The following CFAP299 variants were observed in gnomAD, a reference collection of about 807,000 sequenced individuals.
The protein encoded by CFAP299 is cilia- and flagella-associated protein 299.
In CFAP299, 21 loss-of-function variants were observed where a neutral mutation model predicts 27.0. The ratio of observed to expected loss-of-function variants is 0.78; its 90% CI spans 0.55 to 1.12. The LOEUF (loss-of-function observed/expected upper bound fraction) is 1.12. Ranked by LOEUF, CFAP299 falls within the 50% of genes most tolerant of loss-of-function variation. The pLI, the probability that CFAP299 is intolerant of heterozygous loss-of-function variation, is 0.00. For missense variants in CFAP299, 310 were observed against 276.6 expected (o/e 1.12, Z -0.86); for synonymous variants, 104 against 98.1 (o/e 1.06, Z -0.36).
intron 2 of CFAP299, among the ~76,000 whole-genome samples, chr4:80,374,341 T>C (rs1210054453): frequency 6.6e-6 from 1 of 152,148 alleles, no homozygotes; most frequent in Admixed American, 6.5e-5. Flanking sequence ...TCCCTATCTG[T>C]GACTTGACCA....
At position 80,870,125 on chromosome 4, in the gene CFAP299, A is replaced by G. The variant is rs536266784; in HGVS notation, c.466A>G (p.Thr156Ala). Reference protein sequence around the residue: ...TGKKRLLPRPTDISFYNWDAD... With the variant: ...TGKKRLLPRPADISFYNWDAD... Reference sequence around the variant, plus strand: ...AAAAAAAAGACTTCTTCCAAGGCCTACAGATATAAGGTAAATTACATACAA... The same window carrying G: ...AAAAAAAAGACTTCTTCCAAGGCCTGCAGATATAAGGTAAATTACATACAA... The change falls in exon 4 of 6, where the codon ACA becomes GCA. Residue 156 changes from threonine (T) to alanine (A), a missense_variant. Transcript: ENST00000358105. The G allele has an allele frequency of 1.2e-6, 2 of 1,608,518 alleles. No homozygotes were observed. The highest frequency in any genetic ancestry group is 2.7e-5 in the African/African-American group (2 of 74,556).
chr4:80,550,256 C>T (rs911918851), intron 2 of CFAP299, among the ~76,000 whole-genome samples: 1 of 151,888 alleles, frequency 6.6e-6, no homozygotes, highest in Non-Finnish European at 1.5e-5. Flanking sequence ...CATATAAAAT[C>T]GTGAATAAGA....
At chr4:80,458,300 C>G (rs1421615016) in intron 2 of CFAP299, among the ~76,000 whole-genome samples, 1 of 152,194 alleles carries the variant, frequency 6.6e-6, no homozygotes, top group African/African-American at 2.4e-5. Flanking sequence ...CTTGAAGAAT[C>G]TAGTTCCGTG....
At chr4:80,656,104 C>A (rs976412006) in intron 3 of CFAP299, among the ~76,000 whole-genome samples, 16 of 151,948 alleles carry the variant, frequency 1.1e-4, no homozygotes, top group Non-Finnish European at 1.2e-4. Flanking sequence ...ATATTCTTGG[C>A]TATTCCGGTG....
At chr4:80,729,542 G>A (rs539955823) in intron 3 of CFAP299, among the ~76,000 whole-genome samples, 25 of 151,040 alleles carry the variant, frequency 1.7e-4, no homozygotes, top group East Asian at 2.0e-4. Flanking sequence ...TATAAGCAGC[G>A]TTTGGAACAG....
chr4:80,677,755 T>G (rs922634792), intron 3 of CFAP299, among the ~76,000 whole-genome samples: 2 of 152,106 alleles, frequency 1.3e-5, no homozygotes, highest in African/African-American at 4.8e-5. Flanking sequence ...TCTCACAATG[T>G]AATGCCTTGC....
At chr4:80,658,520 G>A (rs758823579) in intron 3 of CFAP299, among the ~76,000 whole-genome samples, 2 of 151,988 alleles carry the variant, frequency 1.3e-5, no homozygotes, top group African/African-American at 4.8e-5. Context: ...TTTTGTTTAT[G>A]TTATGGATTA....
chr4:80,408,522 T>C (rs940609821), intron 2 of CFAP299, among the ~76,000 whole-genome samples: 1 of 152,212 alleles, frequency 6.6e-6, no homozygotes, highest in Admixed American at 6.5e-5. Flanking sequence ...ATTTTATTTA[T>C]ACTTTTTGTT....
intron 3 of CFAP299, among the ~76,000 whole-genome samples, chr4:80,687,777 C>T (rs916285938): frequency 3.9e-5 from 6 of 152,126 alleles, no homozygotes; most frequent in East Asian, 3.9e-4. Context: ...TCTGAGGTAC[C>T]GGGTTCATCT....
chr4:80,832,727 G>GA (rs1184063286), intron 3 of CFAP299, among the ~76,000 whole-genome samples: 2 of 152,056 alleles, frequency 1.3e-5, no homozygotes, highest in Non-Finnish European at 2.9e-5. Context: ...TCTCACTTAG[G>GA]AAATGGGTTT....
chr4:80,343,008 A>C (rs1194624362), intron 1 of CFAP299, among the ~76,000 whole-genome samples: 11 of 152,360 alleles, frequency 7.2e-5, no homozygotes, highest in African/African-American at 2.4e-4. Context: ...AAAACAGAAA[A>C]AAGCAGGGGT....
intron 3 of CFAP299, among the ~76,000 whole-genome samples, chr4:80,742,553 T>C (rs1043582091): frequency 2.0e-5 from 3 of 152,146 alleles, no homozygotes; most frequent in African/African-American, 4.8e-5. Context: ...AGATTGATTA[T>C]AGCAAGATAG....
chr4:80,879,066 G>A (rs931555874), intron 4 of CFAP299, among the ~76,000 whole-genome samples: 2 of 151,976 alleles, frequency 1.3e-5, no homozygotes, highest in African/African-American at 4.8e-5. Flanking sequence ...AAGAAATAAG[G>A]ATGCACCATG....
At chr4:80,593,384 A>C (rs755753000) in intron 3 of CFAP299, among the ~76,000 whole-genome samples, 1 of 152,040 alleles carries the variant, frequency 6.6e-6, no homozygotes, top group South Asian at 2.1e-4. Context: ...AGGGATTGCT[A>C]CTCCTCTTCA....
At chr4:80,570,617 A>G (rs914674036) in intron 2 of CFAP299, among the ~76,000 whole-genome samples, 3 of 152,148 alleles carry the variant, frequency 2.0e-5, no homozygotes, top group Non-Finnish European at 1.5e-5. Flanking sequence ...AATGGTGTGA[A>G]GCAAAATGAA....
chr4:80,335,629 G>GCAA (rs1372407269), upstream of CFAP299: 2 of 670,430 alleles, frequency 3.0e-6, no homozygotes, highest in Non-Finnish European at 5.4e-6. Context: ...GACAGAAACT[G>GCAA]CAACAAACCG....
chr4:80,421,302 T>C (rs759657073), intron 2 of CFAP299, among the ~76,000 whole-genome samples: 4 of 152,218 alleles, frequency 2.6e-5, no homozygotes, highest in African/African-American at 4.8e-5. Flanking sequence ...TTGTTTTAGT[T>C]AGTCCTTCTT....
chr4:80,740,455 A>C (rs1350374333), intron 3 of CFAP299, among the ~76,000 whole-genome samples: 2 of 152,064 alleles, frequency 1.3e-5, no homozygotes, highest in African/African-American at 4.8e-5. Flanking sequence ...CTTTTCCCTT[A>C]CTTTCTCCCA....
At chr4:80,460,886 T>C (rs1729405077) in intron 2 of CFAP299, among the ~76,000 whole-genome samples, 1 of 152,170 alleles carries the variant, frequency 6.6e-6, no homozygotes, top group Admixed American at 6.6e-5. Flanking sequence ...CAATGGCTCA[T>C]AACACAGCCC....
Sources: gnomAD v4.1 joint callset for allele counts (sites outside exome capture counted in the v4.1 genomes callset) on GRCh38, gnomAD v4.1.1 for gene constraint, MANE v1.5 for transcripts, NCBI Gene and HGNC (gene_info 2026-07-23, HGNC 2026-07-21) for gene names.